ANO4: variants seen among roughly 807,000 people sequenced by gnomAD.
ANO4 encodes anoctamin 4, also known as anoctamin-4.
A neutral mutation model predicts 141.9 loss-of-function variants in ANO4; 69 were observed. The ratio of observed to expected loss-of-function variants is 0.49; its 90% CI spans 0.40 to 0.59. ANO4 has a LOEUF of 0.59. Ranked by LOEUF, ANO4 falls within the 20% of genes least tolerant of loss-of-function variation. The pLI is 0.00. For missense variants in ANO4, 894 were observed against 1,162.2 expected (o/e 0.77, Z 3.36); for synonymous variants, 350 against 394.3 (o/e 0.89, Z 1.33).
intron 24 of ANO4, among the ~76,000 whole-genome samples, chr12:101,115,551 G>A (rs752055280): frequency 6.6e-6 from 1 of 152,152 alleles, no homozygotes; most frequent in Non-Finnish European, 1.5e-5. Context: ...CCAAGCTTTT[G>A]TATGTAAAAC....
chr12:101,052,544 C>T (rs913938923), intron 14 of ANO4, among the ~76,000 whole-genome samples: 7 of 151,970 alleles, frequency 4.6e-5, no homozygotes, highest in African/African-American at 1.5e-4. Context: ...TAAGTTATCC[C>T]CAGTAAACAC....
chr12:101,105,642 G>A lies in ANO4; in HGVS notation c.2150-4762G>A, dbSNP rs376642987. Among the ~76,000 whole-genome samples, 4 of 152,252 alleles carry A rather than the reference G, an allele frequency of 2.6e-5. No homozygotes were observed. In the East Asian group the frequency reaches 7.7e-4, roughly 29 times the overall value. On this transcript the variant is annotated intron_variant, in intron 22 of 27. Coordinates refer to ENST00000392977, the MANE Select transcript of ANO4 (RefSeq NM_001286615.2). ...AAGAGGAAAAAGGAGACCCAAAGATGATTCAGAAATTGGGTTTAGCACACA... is the reference window on the plus strand; with the variant it reads ...AAGAGGAAAAAGGAGACCCAAAGATAATTCAGAAATTGGGTTTAGCACACA...
intron 8 of ANO4, among the ~76,000 whole-genome samples, chr12:101,015,845 G>A (rs1165127133): frequency 6.6e-6 from 1 of 152,142 alleles, no homozygotes; most frequent in Non-Finnish European, 1.5e-5. Flanking sequence ...GTGTGCATGA[G>A]GGGATGGGGG....
intron 2 of ANO4, among the ~76,000 whole-genome samples, chr12:100,903,603 T>C: frequency 6.6e-6 from 1 of 152,202 alleles, no homozygotes; most frequent in East Asian, 1.9e-4. Flanking sequence ...GTAGAAAGTA[T>C]GTACTAGAGA....
intron 1 of ANO4, among the ~76,000 whole-genome samples, chr12:100,824,740 A>G (rs933507176): frequency 2.0e-5 from 3 of 152,102 alleles, no homozygotes; most frequent in Non-Finnish European, 2.9e-5. Context: ...CTGAATGTTT[A>G]CTTCGCAGAG....
At chr12:100,777,866 T>A (rs1298931560) in intron 3 of ANO4, among the ~76,000 whole-genome samples, 1 of 152,110 alleles carries the variant, frequency 6.6e-6, no homozygotes, top group African/African-American at 2.4e-5. Flanking sequence ...TGAGAGTCTC[T>A]CACAAGCTAA....
chr12:100,884,975 A>C (rs1353382525), intron 1 of ANO4, among the ~76,000 whole-genome samples: 1 of 152,214 alleles, frequency 6.6e-6, no homozygotes, highest in Non-Finnish European at 1.5e-5. Context: ...GATTACAGGC[A>C]TGAGCCACCA....
At chr12:101,127,707 G>A (rs926389468) in intron 27 of ANO4, among the ~76,000 whole-genome samples, 154 bp from the exon 28 acceptor site, 6 of 152,186 alleles carry the variant, frequency 3.9e-5, no homozygotes, top group African/African-American at 1.4e-4. Flanking sequence ...CACCCATAAA[G>A]CAAGCATAAA....
intron 9 of ANO4, among the ~76,000 whole-genome samples, chr12:101,033,841 G>T (rs1458787099): frequency 6.6e-6 from 1 of 152,112 alleles, no homozygotes; most frequent in South Asian, 2.1e-4. Context: ...TATAAACAGA[G>T]ACTTCTCAAA....
chr12:100,930,139 C>T (rs1339850056), intron 3 of ANO4, among the ~76,000 whole-genome samples: 1 of 152,112 alleles, frequency 6.6e-6, no homozygotes, highest in African/African-American at 2.4e-5. Flanking sequence ...GTTGTCTCTT[C>T]ACTTTGTTGA....
intron 1 of ANO4, among the ~76,000 whole-genome samples, chr12:100,894,607 G>C (rs571942684): frequency 2.6e-5 from 4 of 152,064 alleles, no homozygotes; most frequent in Non-Finnish European, 4.4e-5. Context: ...GTATACCTAC[G>C]TGTTTGAGCT....
chr12:101,055,472 T>A lies in ANO4; in HGVS notation c.1312+7071T>A, dbSNP rs1395034794. Among the ~76,000 whole-genome samples the A allele has an allele frequency of 2.6e-5, 4 of 152,354 alleles. No homozygotes were observed. The East Asian group carries it at 7.7e-4, about 29-fold the overall frequency. ...CATGAGCTTATTTGCAATCTGCACA[T>A]CTTACTTGGTGAAGTGTTTGCTCAG... On this transcript the variant is annotated intron_variant, in intron 14 of 27. Transcript: ENST00000392977.
At chr12:100,950,429 G>T (rs1179690977) in intron 5 of ANO4, among the ~76,000 whole-genome samples, 1 of 152,174 alleles carries the variant, frequency 6.6e-6, no homozygotes, top group East Asian at 1.9e-4. Flanking sequence ...GCGATTCCTT[G>T]AGTGTCTTTC....
chr12:100,895,561 G>GTTTTTTT (rs201323252), intron 1 of ANO4, among the ~76,000 whole-genome samples: 3 of 131,112 alleles, frequency 2.3e-5, no homozygotes, highest in African/African-American at 8.4e-5. Context: ...TCTGAGCTTT[G>GTTTTTTT]TTTTTTTTTT....
At chr12:100,872,616 A>C (rs1303920111) in intron 1 of ANO4, among the ~76,000 whole-genome samples, 1 of 152,110 alleles carries the variant, frequency 6.6e-6, no homozygotes, top group Non-Finnish European at 1.5e-5. Flanking sequence ...TATAGTAAGA[A>C]CCTTGTTCAT....
Position 100,783,876 on chromosome 12 carries a change from A to G in ANO4, c.358+43771A>G, listed in dbSNP as rs559770741. Reference sequence around the variant, plus strand: ...TGTCAAAGTAGAAAACTGTCCATAAAGATCAGGAAGATGGTCTCCCTCTCA... The same window carrying G: ...TGTCAAAGTAGAAAACTGTCCATAAGGATCAGGAAGATGGTCTCCCTCTCA... On this transcript the variant is annotated intron_variant, in intron 3 of 29. Coordinates refer to the ANO4 transcript ENST00000644049. Among the ~76,000 whole-genome samples the G allele has an allele frequency of 4.6e-5, 7 of 152,150 alleles. No homozygotes were observed. In the South Asian group the frequency reaches 1.5e-3, roughly 32 times the overall value.
At chr12:101,044,051 A>G (rs938440092) in intron 13 of ANO4, among the ~76,000 whole-genome samples, 3 of 152,184 alleles carry the variant, frequency 2.0e-5, no homozygotes, top group Admixed American at 6.5e-5. Context: ...TGCTTGGTAA[A>G]TAGACCTCAG....
At chr12:100,769,315 TAATA>T (rs1310766383) in intron 3 of ANO4, among the ~76,000 whole-genome samples, 2 of 152,234 alleles carry the variant, frequency 1.3e-5, no homozygotes, top group Non-Finnish European at 2.9e-5. Context: ...TCCGAACTCT[TAATA>T]AATAATGCAG....
At chr12:100,834,117 C>G (rs2036774124) in intron 1 of ANO4, among the ~76,000 whole-genome samples, 2 of 152,096 alleles carry the variant, frequency 1.3e-5, no homozygotes, top group Non-Finnish European at 2.9e-5. Context: ...GGTGAACAGT[C>G]TCATAACAGG....
Sources: gnomAD v4.1 joint callset for allele counts (sites outside exome capture counted in the v4.1 genomes callset) on GRCh38, gnomAD v4.1.1 for gene constraint, MANE v1.5 for transcripts, NCBI Gene and HGNC (gene_info 2026-07-23, HGNC 2026-07-21) for gene names.